The following RUNX1T1 variants were observed in gnomAD, a reference collection of about 807,000 sequenced individuals.
The protein encoded by RUNX1T1 is RUNX1 partner transcriptional co-repressor 1.
A neutral mutation model predicts 62.8 loss-of-function variants in RUNX1T1; 4 were observed. The observed-to-expected ratio is 0.06, with a 90% CI of 0.03 to 0.15. The LOEUF (loss-of-function observed/expected upper bound fraction) is 0.15, where lower values mean the gene tolerates loss of function less well. Ranked by LOEUF, RUNX1T1 falls within the 10% of genes least tolerant of loss-of-function variation. The probability of loss-of-function intolerance (pLI) is 1.00; values close to 1 mark genes in which losing one functional copy is unlikely to be tolerated. For missense variants in RUNX1T1, 508 were observed against 754.3 expected, an observed-to-expected ratio of 0.67 and a Z score of 3.82; for synonymous variants, 291 against 286.0, an observed-to-expected ratio of 1.02 and a Z score of -0.18.
intron 8 of RUNX1T1, chr8:91,979,851 C>G (rs1439203845): frequency 1.9e-6 from 1 of 531,580 alleles, no homozygotes; most frequent in African/African-American, 1.9e-5. Context: ...GAGCTGATAG[C>G]CTTTGGAGAA....
chr8:92,041,315 A>G (rs866691465), intron 1 of RUNX1T1, among the ~76,000 whole-genome samples: 4 of 152,204 alleles, frequency 2.6e-5, no homozygotes, highest in Non-Finnish European at 5.9e-5. Flanking sequence ...CCCACCATCA[A>G]ATACATGACT....
chr8:92,089,769 A>G (rs1836687676), intron 1 of RUNX1T1, among the ~76,000 whole-genome samples: 1 of 151,962 alleles, frequency 6.6e-6, no homozygotes, highest in South Asian at 2.1e-4. Flanking sequence ...TCAGATAATC[A>G]TCTAAGATTT....
intron 1 of RUNX1T1, among the ~76,000 whole-genome samples, chr8:92,080,902 T>C (rs969441971): frequency 6.6e-6 from 1 of 152,246 alleles, no homozygotes; most frequent in African/African-American, 2.4e-5. Context: ...CAACTAAGTA[T>C]CAACAACGCA....
intron 2 of RUNX1T1, among the ~76,000 whole-genome samples, chr8:92,073,203 T>C (rs1261648130): frequency 1.3e-5 from 2 of 152,144 alleles, no homozygotes; most frequent in Non-Finnish European, 2.9e-5. Context: ...GTCCCTACAA[T>C]GGCAGGCATT....
intron 1 of RUNX1T1, among the ~76,000 whole-genome samples, chr8:92,020,090 G>C: frequency 6.6e-6 from 1 of 152,128 alleles, no homozygotes; most frequent in East Asian, 1.9e-4. Context: ...TACAAACTGA[G>C]ACAAAGTGGG....
intron 5 of RUNX1T1, chr8:92,003,268 T>C: frequency 6.9e-6 from 3 of 431,890 alleles, no homozygotes; most frequent in South Asian, 4.9e-5. Flanking sequence ...GATGAAGTTT[T>C]CATATCAGTG....
intron 2 of RUNX1T1, among the ~76,000 whole-genome samples, chr8:92,073,102 T>G (rs940762558): frequency 3.3e-5 from 5 of 152,168 alleles, no homozygotes; most frequent in Admixed American, 1.3e-4. Flanking sequence ...ATATGTCAAA[T>G]ACTACACCCT....
chr8:92,018,801 A>T (rs1219654471), intron 1 of RUNX1T1, among the ~76,000 whole-genome samples: 2 of 152,238 alleles, frequency 1.3e-5, no homozygotes, highest in African/African-American at 2.4e-5. Context: ...CAATAAGAGA[A>T]TGAAAATAAT....
chr8:91,971,254 G>A (rs1418388577), intron 9 of RUNX1T1: 1 of 154,610 alleles, frequency 6.5e-6, no homozygotes, highest in African/African-American at 2.4e-5. Context: ...AATGCCTCCA[G>A]AAATGATTCT....
intron 8 of RUNX1T1, among the ~76,000 whole-genome samples, chr8:91,985,648 T>C (rs952011889): frequency 6.6e-6 from 1 of 152,048 alleles, no homozygotes; most frequent in Admixed American, 6.6e-5. Flanking sequence ...TATAAATATA[T>C]ATATATATGA....
intron 10 of RUNX1T1, among the ~76,000 whole-genome samples, chr8:91,966,200 C>G (rs1222767328): frequency 4.0e-5 from 6 of 150,734 alleles, no homozygotes; most frequent in Non-Finnish European, 7.4e-5. Flanking sequence ...CATCATAGCT[C>G]ATGCTCTGAG....
chr8:91,976,053 A>G, intron 8 of RUNX1T1, 80 bp from the exon 10 acceptor site: 1 of 967,268 alleles, frequency 1.0e-6, no homozygotes, highest in South Asian at 1.4e-5. Context: ...GAGTGAAAGT[A>G]AGCAATGCCC....
Position 92,043,049 on chromosome 8 carries a change from T to C in RUNX1T1, c.7+19497A>G, listed in dbSNP as rs186435451. Among the ~76,000 whole-genome samples the C allele has an allele frequency of 2.8e-3, 428 of 152,302 alleles. 2 individuals carry two copies. Among genetic ancestry groups the C allele is most frequent in the Admixed American group, 3.5e-3 (54 of 15,290 alleles). On this transcript the variant is annotated intron_variant, in intron 1 of 10. Coordinates refer to ENST00000396218, the Ensembl canonical transcript of RUNX1T1. The stretch of plus-strand genomic sequence containing the variant: ...TTCACCTGGACCTCAGTCTCTCCTA[T>C]TTCTCATTTCTCTCACATGAAGGCA...
At chr8:91,993,870 T>C (rs555386205) in intron 5 of RUNX1T1, among the ~76,000 whole-genome samples, 1 of 152,020 alleles carries the variant, frequency 6.6e-6, no homozygotes, top group Non-Finnish European at 1.5e-5. Flanking sequence ...TGCATGCCTG[T>C]AGTCTCAGTT....
chr8:91,998,680 GT>G (rs1471423303), intron 5 of RUNX1T1, among the ~76,000 whole-genome samples: 1 of 152,160 alleles, frequency 6.6e-6, no homozygotes, highest in Non-Finnish European at 1.5e-5. Flanking sequence ...GTTACTGGCT[GT>G]TTCCCTTGCC....
At chr8:92,088,984 A>C (rs966746506) in intron 1 of RUNX1T1, among the ~76,000 whole-genome samples, 4 of 152,244 alleles carry the variant, frequency 2.6e-5, no homozygotes, top group Admixed American at 2.6e-4. Flanking sequence ...TTGAACTCTG[A>C]ATACCAATGC....
Position 92,082,485 on chromosome 8 carries a change from C to T in RUNX1T1, c.-85-6348G>A, listed in dbSNP as rs1367406395. On this transcript the variant is annotated intron_variant, in intron 1 of 11. Transcript: ENST00000265814. ...TTACAAAATTAGCTCACTCACAAGT[C>T]GATATTAAGACAATATGAAAACATC... is the stretch of plus-strand genomic sequence containing the variant. Among the ~76,000 whole-genome samples the T allele has an allele frequency of 7.2e-5, 11 of 152,160 alleles. No homozygotes were observed. The East Asian group carries it at 2.1e-3, about 29-fold the overall frequency.
At chr8:91,991,969 G>T in intron 5 of RUNX1T1, 80 bp from the exon 7 acceptor site, 12 of 1,462,864 alleles carry the variant, frequency 8.2e-6, no homozygotes, top group South Asian at 1.2e-5. Flanking sequence ...TTTGAGCTTG[G>T]AATAAAAACA....
chr8:91,999,229 T>A (rs1425455548), intron 5 of RUNX1T1, among the ~76,000 whole-genome samples: 1 of 152,070 alleles, frequency 6.6e-6, no homozygotes. Flanking sequence ...ACAGAACAAA[T>A]GTGGTATGTG....
Sources: allele counts gnomAD v4.1 joint callset (sites outside exome capture counted in the v4.1 genomes callset), GRCh38; gene constraint gnomAD v4.1.1; transcripts MANE v1.5; gene names NCBI Gene and HGNC (gene_info 2026-07-23, HGNC 2026-07-21).